Variants in TRIM37 observed in about 807,000 individuals in gnomAD.
The protein encoded by TRIM37 is tripartite motif containing 37.
In TRIM37, 80 loss-of-function variants were observed where a neutral mutation model predicts 129.8. That is an observed-to-expected ratio of 0.62 (90% CI 0.51 to 0.74). TRIM37 has a LOEUF of 0.74. TRIM37 is among the 30% of genes least tolerant of loss of function. TRIM37 has a pLI of 0.00. For missense variants in TRIM37, 1,054 were observed against 1,176.5 expected (o/e 0.90, Z 1.52); for synonymous variants, 389 against 387.1 (o/e 1.00, Z -0.06).
chr17:59,007,262 G>A (rs2034658716), intron 22 of TRIM37, among the ~76,000 whole-genome samples: 1 of 122,598 alleles, frequency 8.2e-6, no homozygotes, highest in African/African-American at 3.1e-5. Context: ...TGATGACACT[G>A]AGCAGCTGAA....
At chr17:59,033,878 G>A (rs1363742903) in intron 17 of TRIM37, among the ~76,000 whole-genome samples, 1 of 151,638 alleles carries the variant, frequency 6.6e-6, no homozygotes, top group Non-Finnish European at 1.5e-5. Context: ...AGCACTTTGG[G>A]AGGCCAAGGT....
intron 13 of TRIM37, among the ~76,000 whole-genome samples, chr17:59,053,812 C>T (rs1274587186): frequency 6.6e-6 from 1 of 152,090 alleles, no homozygotes; most frequent in Non-Finnish European, 1.5e-5. Context: ...CCTCAAAAAA[C>T]ATGATTCCAG....
intron 17 of TRIM37, among the ~76,000 whole-genome samples, chr17:59,039,549 G>A (rs1263821938): frequency 1.3e-5 from 2 of 152,164 alleles, no homozygotes; most frequent in East Asian, 1.9e-4. Flanking sequence ...GTTCCATCAT[G>A]TTAGCCAGGA....
intron 16 of TRIM37, among the ~76,000 whole-genome samples, chr17:59,047,158 A>C (rs1220049732): frequency 6.6e-6 from 1 of 152,118 alleles, no homozygotes; most frequent in Non-Finnish European, 1.5e-5. Context: ...GTCTCAAAAA[A>C]AAAGGAAAAA....
intron 17 of TRIM37, among the ~76,000 whole-genome samples, chr17:59,039,874 C>T (rs767832893): frequency 6.6e-6 from 1 of 152,054 alleles, no homozygotes; most frequent in Non-Finnish European, 1.5e-5. Flanking sequence ...AGAGAAATAA[C>T]ATGATTAGAT....
chr17:59,097,523 A>G (rs973017825), intron 2 of TRIM37, among the ~76,000 whole-genome samples: 3 of 152,144 alleles, frequency 2.0e-5, no homozygotes, highest in African/African-American at 7.2e-5. Context: ...CACATTTGCA[A>G]CAGCATCAAA....
chr17:59,015,959 G>C (rs985507194), intron 20 of TRIM37, among the ~76,000 whole-genome samples, 160 bp from the exon 21 acceptor site: 9 of 151,354 alleles, frequency 5.9e-5, no homozygotes, highest in Non-Finnish European at 1.0e-4. Context: ...CTGGACAACA[G>C]AGCAAGACTC....
At chr17:59,019,651 T>C (rs1165008321) in intron 19 of TRIM37, among the ~76,000 whole-genome samples, 1 of 151,338 alleles carries the variant, frequency 6.6e-6, no homozygotes, top group African/African-American at 2.4e-5. Context: ...GAGCTTGCAG[T>C]GAGCCGAGAT....
chr17:58,973,530 T>C, the TRIM37 span, among the ~76,000 whole-genome samples: 2 of 149,740 alleles, frequency 1.3e-5, no homozygotes, highest in South Asian at 2.1e-4. Flanking sequence ...ACCACAGTGG[T>C]TGGGACAGGC....
At chr17:59,000,387 G>A (rs1013217690) in intron 23 of TRIM37, among the ~76,000 whole-genome samples, 1 of 152,170 alleles carries the variant, frequency 6.6e-6, no homozygotes, top group African/African-American at 2.4e-5. Context: ...ATCACCTGAG[G>A]TCAGGAGTTC....
intron 17 of TRIM37, among the ~76,000 whole-genome samples, chr17:59,034,870 C>A (rs2038287250): frequency 6.6e-6 from 1 of 152,106 alleles, no homozygotes; most frequent in Admixed American, 6.5e-5. Context: ...CCTAAAATTG[C>A]TCACTACTCC....
At chr17:58,993,891 C>T (rs1256089882), downstream of TRIM37, among the ~76,000 whole-genome samples, 1 of 152,014 alleles carries the variant, frequency 6.6e-6, no homozygotes, top group Non-Finnish European at 1.5e-5. Flanking sequence ...TGTGAAAGAA[C>T]AGAACTAATG....
chr17:59,096,564 A>C (rs768960348), intron 2 of TRIM37, among the ~76,000 whole-genome samples: 149 of 91,492 alleles, frequency 1.6e-3, no homozygotes, highest in African/African-American at 2.9e-3. Flanking sequence ...AAAAAAAAAC[A>C]AAAAAAAAAA....
chr17:59,050,485 G>C (rs2040228647), intron 14 of TRIM37, among the ~76,000 whole-genome samples: 2 of 150,920 alleles, frequency 1.3e-5, no homozygotes, highest in African/African-American at 4.9e-5. Context: ...TTGAGCCCAG[G>C]AGTTCAAGAC....
At chr17:59,050,031 G>C (rs1026431638) in intron 14 of TRIM37, among the ~76,000 whole-genome samples, 3 of 152,012 alleles carry the variant, frequency 2.0e-5, no homozygotes, top group Non-Finnish European at 4.4e-5. Context: ...ACCTATTAAC[G>C]ACTCTCAGCA....
rs752045909 is a variant in TRIM37 at position 59,062,585 on chromosome 17, C to G, written c.924G>C (p.Trp308Cys). 6.2e-7 allele frequency: 1 copy of G among 1,613,972 alleles called. No homozygotes were observed. The highest frequency in any genetic ancestry group is 8.5e-7 in the Non-Finnish European group (1 of 1,179,930). ...SPPLQVSGLCWRLKVYPDGNG... is the reference protein window; with the variant it reads ...SPPLQVSGLCCRLKVYPDGNG... ...AACTTACTGGGTAAACTTTTAACCT[C>G]CAGCAAAGTCCTGAAACTTGAAGAG... The change falls in exon 11 of 24, where the codon TGG becomes TGC. Residue 308 changes from tryptophan (W) to cysteine (C), a missense_variant. Transcript: ENST00000262294.
chr17:59,056,986 A>G lies in TRIM37; in HGVS notation c.1088T>C (p.Phe363Ser). ...TTCTCCAACTTCAAAGTCAGATGCA[A>G]ATTCTCGAATGATATTTTTTGTAGG... The part of the protein sequence containing the change: ...NDPTKNIIRE[F>S]ASDFEVGECW... Residue 363 changes from phenylalanine to serine, a missense_variant, in exon 13 of 24, where the codon TTT becomes TCT. Transcript: ENST00000262294. The G allele has an allele frequency of 6.2e-7, 1 of 1,613,886 alleles. No individual in the cohort carries two copies. Among genetic ancestry groups the G allele is most frequent in the Admixed American group, 1.7e-5 (1 of 60,002 alleles).
intron 1 of TRIM37, among the ~76,000 whole-genome samples, chr17:59,105,379 C>A (rs1374464867): frequency 2.6e-5 from 4 of 151,978 alleles, no homozygotes; most frequent in Non-Finnish European, 5.9e-5. Context: ...TAGTTCAAAG[C>A]GATCTTGGGA....
intron 2 of TRIM37, among the ~76,000 whole-genome samples, chr17:59,100,148 A>T (rs1568260130): frequency 6.6e-6 from 1 of 151,936 alleles, no homozygotes; most frequent in Non-Finnish European, 1.5e-5. Context: ...CTTTATGTCC[A>T]TGTATGCTCA....
Sources: gnomAD v4.1 joint callset for allele counts (sites outside exome capture counted in the v4.1 genomes callset) on GRCh38, gnomAD v4.1.1 for gene constraint, MANE v1.5 for transcripts, NCBI Gene and HGNC (gene_info 2026-07-23, HGNC 2026-07-21) for gene names.